The following COMMD10 variants were observed in gnomAD, a reference collection of about 807,000 sequenced individuals.
COMMD10 encodes COMM domain-containing protein 10.
In COMMD10, 33 loss-of-function variants were observed where a neutral mutation model predicts 28.9. The ratio of observed to expected loss-of-function variants is 1.14; its 90% CI spans 0.87 to 1.53. COMMD10 has a LOEUF of 1.53. COMMD10 is among the 40% of genes most tolerant of loss of function. The probability of loss-of-function intolerance (pLI) is 0.00; values close to 1 mark genes in which losing one functional copy is unlikely to be tolerated. For synonymous variants in COMMD10, 110 were observed against 81.7 expected, an observed-to-expected ratio of 1.35 and a Z score of -1.87; for missense variants, 310 against 233.4, an observed-to-expected ratio of 1.33 and a Z score of -2.14.
intron 4 of COMMD10, among the ~76,000 whole-genome samples, chr5:116,117,588 C>T (rs1323487393): frequency 3.3e-5 from 5 of 152,212 alleles, no homozygotes; most frequent in East Asian, 1.9e-4. Context: ...CTCAGCCTCC[C>T]GAGTAGTTGG....
intron 4 of COMMD10, among the ~76,000 whole-genome samples, chr5:116,118,281 A>G (rs1580459210): frequency 1.3e-5 from 2 of 151,964 alleles, no homozygotes; most frequent in Admixed American, 6.6e-5. Flanking sequence ...GGCCCACTAT[A>G]TATTTTACTT....
chr5:116,167,260 C>T (rs1443247041), intron 5 of COMMD10, among the ~76,000 whole-genome samples: 1 of 151,476 alleles, frequency 6.6e-6, no homozygotes, highest in Non-Finnish European at 1.5e-5. Flanking sequence ...TGAATATCAA[C>T]TTAATGAAGT....
At chr5:116,138,434 A>G (rs1752094553) in intron 5 of COMMD10, among the ~76,000 whole-genome samples, 1 of 151,864 alleles carries the variant, frequency 6.6e-6, no homozygotes, top group Non-Finnish European at 1.5e-5. Context: ...GTCATTTGTA[A>G]CAAATGTTGA....
At chr5:116,205,089 A>T (rs1748777587) in intron 5 of COMMD10, among the ~76,000 whole-genome samples, 1 of 152,198 alleles carries the variant, frequency 6.6e-6, no homozygotes, top group Admixed American at 6.6e-5. Flanking sequence ...CTTTAAACAT[A>T]GATTTCCTAG....
chr5:116,289,162 T>G (rs2112716539), intron 5 of COMMD10, among the ~76,000 whole-genome samples: 1 of 151,810 alleles, frequency 6.6e-6, no homozygotes, highest in African/African-American at 2.4e-5. Flanking sequence ...GATTACAGAT[T>G]TGAGCTACCG....
intron 5 of COMMD10, among the ~76,000 whole-genome samples, chr5:116,207,039 T>G (rs898145434): frequency 2.0e-5 from 3 of 152,212 alleles, no homozygotes; most frequent in African/African-American, 7.2e-5. Flanking sequence ...CTGAGGTTAG[T>G]GAACATGTGA....
chr5:116,283,496 A>G (rs1751130653), intron 5 of COMMD10, among the ~76,000 whole-genome samples: 1 of 151,466 alleles, frequency 6.6e-6, no homozygotes, highest in African/African-American at 2.4e-5. Context: ...ACAGGCACCC[A>G]CCACCACGCC....
chr5:116,217,542 T>C (rs1285410762), intron 5 of COMMD10, among the ~76,000 whole-genome samples: 1 of 152,170 alleles, frequency 6.6e-6, no homozygotes, highest in African/African-American at 2.4e-5. Context: ...GAACCACTGC[T>C]CTTTTGACAG....
chr5:116,168,158 C>CAAAAAAAAAAAAAAAAAAAAAAAAAAAA, intron 5 of COMMD10, among the ~76,000 whole-genome samples: 1 of 102,424 alleles, frequency 9.8e-6, no homozygotes. Flanking sequence ...AAATGGAAAG[C>CAAAAAAAAAAAAAAAAAAAAAAAAAAAA]AAAAAAAAAA....
At chr5:116,150,285 T>C (rs1752480032) in intron 5 of COMMD10, among the ~76,000 whole-genome samples, 5 of 152,154 alleles carry the variant, frequency 3.3e-5, no homozygotes, top group African/African-American at 1.2e-4. Context: ...TGAAGTCAGG[T>C]AGTGTGATGC....
chr5:116,172,945 A>C (rs1048484764), intron 5 of COMMD10, among the ~76,000 whole-genome samples: 1 of 152,160 alleles, frequency 6.6e-6, no homozygotes, highest in African/African-American at 2.4e-5. Context: ...ACACAATCAG[A>C]TCTTTAACTT....
chr5:116,177,106 A>T (rs7720518), intron 5 of COMMD10, among the ~76,000 whole-genome samples: 47,542 of 151,958 alleles, frequency 0.31, 10,456 homozygotes, highest in African/African-American at 0.63. Flanking sequence ...TGCCACTGAT[A>T]GGTAGCATGT....
chr5:116,205,548 A>G (rs184998757), intron 5 of COMMD10, among the ~76,000 whole-genome samples: 1 of 152,260 alleles, frequency 6.6e-6, no homozygotes, highest in East Asian at 1.9e-4. Context: ...ATACCCATAT[A>G]TGCATATGTA....
chr5:116,193,490 A>T (rs1748427229), intron 5 of COMMD10, among the ~76,000 whole-genome samples: 1 of 152,230 alleles, frequency 6.6e-6, no homozygotes, highest in South Asian at 2.1e-4. Flanking sequence ...AAGGCATTTC[A>T]TGCAAATGGA....
intron 5 of COMMD10, among the ~76,000 whole-genome samples, chr5:116,202,111 C>G (rs927844354): frequency 6.8e-6 from 1 of 147,822 alleles, no homozygotes; most frequent in Non-Finnish European, 1.5e-5. Flanking sequence ...TGTTCAATTC[C>G]CACCTATGAA....
At chr5:116,278,508 C>T (rs894642516) in intron 5 of COMMD10, among the ~76,000 whole-genome samples, 2 of 151,812 alleles carry the variant, frequency 1.3e-5, no homozygotes, top group Non-Finnish European at 2.9e-5. Context: ...AAGCATATTG[C>T]TTTACACTGA....
intron 4 of COMMD10, among the ~76,000 whole-genome samples, chr5:116,102,023 T>C (rs1750682144): frequency 1.3e-5 from 2 of 152,212 alleles, no homozygotes; most frequent in African/African-American, 4.8e-5. Context: ...CTATGTACTA[T>C]GTTGATTATT....
intron 5 of COMMD10, among the ~76,000 whole-genome samples, chr5:116,202,564 T>TA (rs1561665139): frequency 6.6e-6 from 1 of 151,662 alleles, no homozygotes. Flanking sequence ...CCTGACTTTT[T>TA]AATGATTGCC....
At chr5:116,203,223 A>G (rs1013476612) in intron 5 of COMMD10, among the ~76,000 whole-genome samples, 1 of 152,180 alleles carries the variant, frequency 6.6e-6, no homozygotes, top group African/African-American at 2.4e-5. Flanking sequence ...AAAACCTCCA[A>G]GAAATATGGG....
Sources: gnomAD v4.1 joint callset for allele counts (sites outside exome capture counted in the v4.1 genomes callset) on GRCh38, gnomAD v4.1.1 for gene constraint, MANE v1.5 for transcripts, NCBI Gene and HGNC (gene_info 2026-07-23, HGNC 2026-07-21) for gene names.